The following GSG1L variants were observed in gnomAD, a reference collection of about 807,000 sequenced individuals.
GSG1L encodes the protein GSG1 like, also known as germ cell-specific gene 1-like protein.
Under a neutral mutation model 42.1 loss-of-function variants are expected in GSG1L, and 24 were observed. The observed-to-expected ratio is 0.57, with a 90% CI of 0.41 to 0.80. GSG1L has a LOEUF of 0.80. GSG1L is among the 30% of genes least tolerant of loss of function. The probability of loss-of-function intolerance (pLI) is 0.00; values close to 1 mark genes in which losing one functional copy is unlikely to be tolerated. For missense variants in GSG1L, 445 were observed against 472.2 expected (o/e 0.94, Z 0.53); for synonymous variants, 215 against 203.5 (o/e 1.06, Z -0.48).
chr16:27,836,816 A>T (rs2083326174), intron 4 of GSG1L, among the ~76,000 whole-genome samples: 1 of 152,210 alleles, frequency 6.6e-6, no homozygotes, highest in Non-Finnish European at 1.5e-5. Context: ...TCATTTCAGC[A>T]TGGATCTATT....
intron 2 of GSG1L, among the ~76,000 whole-genome samples, chr16:27,894,018 G>GC (rs1345990228): frequency 6.6e-6 from 1 of 152,208 alleles, no homozygotes; most frequent in African/African-American, 2.4e-5. Flanking sequence ...TTCCCAAAGT[G>GC]CAGGGATTAT....
chr16:27,881,064 C>T (rs2083947705), intron 3 of GSG1L, among the ~76,000 whole-genome samples: 2 of 151,936 alleles, frequency 1.3e-5, no homozygotes, highest in East Asian at 1.9e-4. Context: ...ACCATCTGAC[C>T]CCTTCTCAGA....
At chr16:27,955,818 A>G (rs566971769) in intron 2 of GSG1L, among the ~76,000 whole-genome samples, 2 of 152,044 alleles carry the variant, frequency 1.3e-5, no homozygotes, top group Admixed American at 6.6e-5. Context: ...GGCTTCCAGA[A>G]TAACAGCCCT....
At chr16:27,958,959 G>A (rs1243053203) in intron 2 of GSG1L, among the ~76,000 whole-genome samples, 3 of 151,976 alleles carry the variant, frequency 2.0e-5, no homozygotes, top group Non-Finnish European at 2.9e-5. Flanking sequence ...ACAGGCATGA[G>A]CCACTGCACC....
At chr16:28,052,494 G>A (rs186099087) in intron 1 of GSG1L, among the ~76,000 whole-genome samples, 1 of 152,142 alleles carries the variant, frequency 6.6e-6, no homozygotes, top group East Asian at 1.9e-4. Flanking sequence ...GGTAGACATG[G>A]CCATGTGATT....
chr16:27,849,075 G>A lies in GSG1L; in HGVS notation c.551-4014C>T, dbSNP rs371089043. ...GCCAGGTGTGGTGGCACATGCCTCCGCTACTCGGGAGGCTGAAGCAGGAGA... is the reference window on the plus strand; with the variant it reads ...GCCAGGTGTGGTGGCACATGCCTCCACTACTCGGGAGGCTGAAGCAGGAGA... On this transcript the variant is annotated intron_variant, in intron 3 of 6. Coordinates refer to ENST00000447459, the MANE Select transcript of GSG1L (RefSeq NM_001109763.2). Among the ~76,000 whole-genome samples, 78 of 152,044 alleles carry A rather than the reference G, an allele frequency of 5.1e-4. 1 individual carries two copies. Among genetic ancestry groups the A allele is most frequent in the East Asian group, 2.9e-3 (15 of 5,122 alleles).
chr16:27,989,417 G>C (rs1167323337), intron 1 of GSG1L, among the ~76,000 whole-genome samples: 1 of 152,148 alleles, frequency 6.6e-6, no homozygotes, highest in Non-Finnish European at 1.5e-5. Flanking sequence ...GAAAGGCCAA[G>C]AGAGATATAC....
chr16:27,876,476 C>T (rs988591319), intron 3 of GSG1L, among the ~76,000 whole-genome samples: 2 of 152,214 alleles, frequency 1.3e-5, no homozygotes, highest in Non-Finnish European at 2.9e-5. Context: ...AAAAGGCAAA[C>T]TCAGTGAGCG....
chr16:27,993,017 T>C (rs1399093328), intron 1 of GSG1L, among the ~76,000 whole-genome samples: 1 of 152,248 alleles, frequency 6.6e-6, no homozygotes, highest in African/African-American at 2.4e-5. Context: ...ATATGTCTAA[T>C]TCTCATAATA....
chr16:27,953,109 T>C (rs1343826287), intron 2 of GSG1L, among the ~76,000 whole-genome samples: 4 of 152,242 alleles, frequency 2.6e-5, no homozygotes, highest in African/African-American at 9.6e-5. Context: ...CTTTTTCTTT[T>C]AGAAACAGAG....
rs78200091 is a variant in GSG1L at position 28,002,970 on chromosome 16, A to G, written c.350-39767T>C. On this transcript the variant is annotated intron_variant, in intron 1 of 6. Transcript: ENST00000447459. ...AGAAAGAAAGAAAGAAAAACAAAAAAAGATCCAGGGGGAGAGCATCCCAGG... is the reference window on the plus strand; with the variant it reads ...AGAAAGAAAGAAAGAAAAACAAAAAGAGATCCAGGGGGAGAGCATCCCAGG... Among the ~76,000 whole-genome samples, 436 of 152,224 alleles carry G rather than the reference A, an allele frequency of 2.9e-3. 4 individuals are homozygous for G. Among genetic ancestry groups the G allele is most frequent in the African/African-American group, 0.01 (428 of 41,548 alleles).
At chr16:27,915,797 T>A (rs914196614) in intron 2 of GSG1L, among the ~76,000 whole-genome samples, 1 of 151,994 alleles carries the variant, frequency 6.6e-6, no homozygotes, top group African/African-American at 2.4e-5. Context: ...TAAAAAATAA[T>A]AATAATAAAT....
intron 2 of GSG1L, among the ~76,000 whole-genome samples, chr16:27,898,226 G>A (rs1000542412): frequency 6.6e-6 from 1 of 152,166 alleles, no homozygotes; most frequent in Non-Finnish European, 1.5e-5. Context: ...TCAGAATTCA[G>A]CACCTGACTT....
At chr16:27,880,998 C>T (rs2083946452) in intron 3 of GSG1L, among the ~76,000 whole-genome samples, 1 of 151,928 alleles carries the variant, frequency 6.6e-6, no homozygotes, top group Non-Finnish European at 1.5e-5. Flanking sequence ...GATCACTGCT[C>T]ACCCTATTCC....
At chr16:28,011,775 T>G (rs958030034) in intron 1 of GSG1L, among the ~76,000 whole-genome samples, 3 of 152,228 alleles carry the variant, frequency 2.0e-5, no homozygotes, top group Non-Finnish European at 4.4e-5. Context: ...CTGAGATGCC[T>G]GATTCGTTCA....
At chr16:28,019,501 T>C (rs898074284) in intron 1 of GSG1L, among the ~76,000 whole-genome samples, 1 of 152,208 alleles carries the variant, frequency 6.6e-6, no homozygotes, top group African/African-American at 2.4e-5. Context: ...CGAGTAGCCA[T>C]TGGAGTACTC....
At chr16:27,961,895 C>G (rs2085076686) in intron 2 of GSG1L, among the ~76,000 whole-genome samples, 1 of 152,084 alleles carries the variant, frequency 6.6e-6, no homozygotes, top group Non-Finnish European at 1.5e-5. Flanking sequence ...TCTCTTGCCC[C>G]TCAACTTCAC....
chr16:27,946,502 G>T (rs1037954251), intron 2 of GSG1L, among the ~76,000 whole-genome samples: 1 of 149,762 alleles, frequency 6.7e-6, no homozygotes, highest in South Asian at 2.1e-4. Context: ...CCGAAACTGT[G>T]CCATTGCACT....
At chr16:27,982,734 G>T (rs1301303668) in intron 1 of GSG1L, among the ~76,000 whole-genome samples, 1 of 152,150 alleles carries the variant, frequency 6.6e-6, no homozygotes, top group African/African-American at 2.4e-5. Flanking sequence ...GAAGGTGAAG[G>T]GGGAGTAGGC....
Sources: allele counts gnomAD v4.1 joint callset (sites outside exome capture counted in the v4.1 genomes callset), GRCh38; gene constraint gnomAD v4.1.1; transcripts MANE v1.5; gene names NCBI Gene and HGNC (gene_info 2026-07-23, HGNC 2026-07-21).